The following CCDC178 variants were observed in gnomAD, a reference collection of about 807,000 sequenced individuals.
CCDC178 encodes coiled-coil domain containing 178.
A neutral mutation model predicts 117.4 loss-of-function variants in CCDC178; 126 were observed. The observed-to-expected ratio is 1.07, with a 90% confidence interval of 0.93 to 1.24. The LOEUF is 1.24. Ranked by LOEUF, CCDC178 falls within the 50% of genes most tolerant of loss-of-function variation. CCDC178 has a pLI of 0.00. For synonymous variants in CCDC178, 283 were observed against 313.4 expected (o/e 0.90, Z 1.02); for missense variants, 1,030 against 986.9 (o/e 1.04, Z -0.59).
At chr18:33,381,265 G>A (rs1233638679) in intron 5 of CCDC178, among the ~76,000 whole-genome samples, 1 of 152,114 alleles carries the variant, frequency 6.6e-6, no homozygotes, top group Non-Finnish European at 1.5e-5. Context: ...GCTGGGTATG[G>A]AGCAGAGAGG....
chr18:33,260,030 C>A (rs1164148113), intron 14 of CCDC178, among the ~76,000 whole-genome samples: 1 of 151,868 alleles, frequency 6.6e-6, no homozygotes, highest in East Asian at 1.9e-4. Context: ...ACCAGTACCA[C>A]CCTCATTCAG....
chr18:33,370,933 C>G (rs1222509388), intron 5 of CCDC178, among the ~76,000 whole-genome samples: 1 of 152,000 alleles, frequency 6.6e-6, no homozygotes, highest in African/African-American at 2.4e-5. Context: ...GTCCTTTTGA[C>G]TCTAAGGACT....
chr18:33,283,006 C>T (rs761523168), intron 12 of CCDC178, among the ~76,000 whole-genome samples: 1 of 152,148 alleles, frequency 6.6e-6, no homozygotes, highest in Non-Finnish European at 1.5e-5. Context: ...CAGCAGGGGC[C>T]TCCTTCTCCC....
chr18:33,228,485 C>T (rs2059334077), intron 15 of CCDC178, among the ~76,000 whole-genome samples: 1 of 151,990 alleles, frequency 6.6e-6, no homozygotes, highest in Non-Finnish European at 1.5e-5. Flanking sequence ...AGATAAGAAG[C>T]CTGAAGCTGC....
At chr18:33,020,589 GTTTAC>G (rs1333721638) in intron 21 of CCDC178, among the ~76,000 whole-genome samples, 1 of 152,094 alleles carries the variant, frequency 6.6e-6, no homozygotes, top group Non-Finnish European at 1.5e-5. Context: ...TGTGGTGTGT[GTTTAC>G]TTTTTTAAAA....
intron 20 of CCDC178, chr18:33,136,013 A>T (rs780589633): frequency 6.6e-6 from 1 of 152,166 alleles, no homozygotes; most frequent in Non-Finnish European, 1.5e-5. Context: ...AGCAAATAAG[A>T]TCAGAAAACT....
At chr18:33,249,932 C>G (rs540953447) in intron 14 of CCDC178, among the ~76,000 whole-genome samples, 1 of 152,082 alleles carries the variant, frequency 6.6e-6, no homozygotes, top group South Asian at 2.1e-4. Context: ...TTTGTGTCCT[C>G]TTTTATTTCA....
intron 18 of CCDC178, among the ~76,000 whole-genome samples, chr18:33,216,690 T>C (rs1251775138): frequency 6.6e-6 from 1 of 152,128 alleles, no homozygotes; most frequent in Non-Finnish European, 1.5e-5. Context: ...TCTAAGATTT[T>C]GAACATTGGG....
At chr18:33,332,624 G>C (rs1002809451) in intron 10 of CCDC178, among the ~76,000 whole-genome samples, 14 of 152,036 alleles carry the variant, frequency 9.2e-5, no homozygotes, top group African/African-American at 3.4e-4. Flanking sequence ...CATCCAGGCT[G>C]GATTGCAGTG....
chr18:33,053,099 A>C (rs1257947305), intron 21 of CCDC178, among the ~76,000 whole-genome samples: 1 of 152,222 alleles, frequency 6.6e-6, no homozygotes, highest in Non-Finnish European at 1.5e-5. Context: ...GATGCTCTAC[A>C]AATATTAGCA....
chr18:33,263,980 A>C (rs2059783392), intron 14 of CCDC178, among the ~76,000 whole-genome samples: 1 of 152,090 alleles, frequency 6.6e-6, no homozygotes, highest in Non-Finnish European at 1.5e-5. Context: ...TAAGAAGTAG[A>C]AGCAAATTAC....
chr18:33,418,595 T>C (rs1182917949), intron 2 of CCDC178, among the ~76,000 whole-genome samples: 3 of 150,376 alleles, frequency 2.0e-5, no homozygotes, highest in Admixed American at 6.6e-5. Flanking sequence ...AAAAAACCGA[T>C]AGTCTCTGCC....
At position 32,959,564 on chromosome 18, in the gene CCDC178, T is replaced by C. The variant is rs569068832; in HGVS notation, c.2523+14983A>G. Among the ~76,000 whole-genome samples the C allele has an allele frequency of 2.6e-5, 4 of 152,226 alleles. No homozygotes were observed. In the East Asian group the frequency reaches 7.7e-4, roughly 29 times the overall value. ...ATGAGAACAAGGCTGCTTCAAGTTT[T>C]CATCTTTTTTGAGTTTTCTTTTAAA... On this transcript the variant is annotated intron_variant, in intron 22 of 22. Coordinates refer to ENST00000383096, the MANE Select transcript of CCDC178 (RefSeq NM_001105528.4).
chr18:33,233,686 A>G (rs1350157903), intron 15 of CCDC178, among the ~76,000 whole-genome samples: 1 of 152,108 alleles, frequency 6.6e-6, no homozygotes, highest in African/African-American at 2.4e-5. Flanking sequence ...GTCAGGCTCC[A>G]GGTTGAATGT....
chr18:33,178,244 A>T (rs2058686901), intron 20 of CCDC178, among the ~76,000 whole-genome samples: 1 of 151,970 alleles, frequency 6.6e-6, no homozygotes, highest in African/African-American at 2.4e-5. Flanking sequence ...TAAGCTAGAA[A>T]CCTGAGACTT....
chr18:33,163,891 A>G (rs934569201), intron 20 of CCDC178, among the ~76,000 whole-genome samples: 3 of 152,154 alleles, frequency 2.0e-5, no homozygotes, highest in Non-Finnish European at 4.4e-5. Flanking sequence ...GCATCTGTGG[A>G]AAGTTAAATG....
intron 22 of CCDC178, among the ~76,000 whole-genome samples, chr18:32,966,364 C>T (rs1325409361): frequency 1.3e-5 from 2 of 151,808 alleles, no homozygotes; most frequent in African/African-American, 2.4e-5. Context: ...TTATATACTA[C>T]TGTCTATGGC....
At chr18:33,082,674 T>C (rs2057316074) in intron 21 of CCDC178, among the ~76,000 whole-genome samples, 1 of 152,074 alleles carries the variant, frequency 6.6e-6, no homozygotes, top group South Asian at 2.1e-4. Context: ...TGTATACATA[T>C]GTAACAAACC....
chr18:33,145,463 T>C (rs1684013855), intron 20 of CCDC178, among the ~76,000 whole-genome samples: 1 of 152,200 alleles, frequency 6.6e-6, no homozygotes, highest in Admixed American at 6.5e-5. Flanking sequence ...TAAGTATGAT[T>C]TATTGGGTAT....
Sources: allele counts gnomAD v4.1 joint callset (sites outside exome capture counted in the v4.1 genomes callset), GRCh38; gene constraint gnomAD v4.1.1; transcripts MANE v1.5; gene names NCBI Gene and HGNC (gene_info 2026-07-23, HGNC 2026-07-21).